Variants in KCTD19 observed in about 807,000 individuals in gnomAD.
KCTD19 encodes the protein BTB/POZ domain-containing protein KCTD19.
A neutral mutation model predicts 103.5 loss-of-function variants in KCTD19; 67 were observed. The ratio of observed to expected loss-of-function variants is 0.65; its 90% confidence interval spans 0.53 to 0.79. KCTD19 has a LOEUF of 0.79. Ranked by LOEUF, KCTD19 falls within the 30% of genes least tolerant of loss-of-function variation. The pLI is 0.00. For missense variants in KCTD19, 980 were observed against 1,136.1 expected (o/e 0.86, Z 1.98); for synonymous variants, 439 against 452.2 (o/e 0.97, Z 0.37).
Position 67,301,909 on chromosome 16 carries a change from G to A in KCTD19, c.657C>T (p.Arg219=). Reference sequence around the variant, plus strand: ...TATCCGGTAGTAAAATCTTCTGTGAGCGAAGAAAATTCACTTGAAAAACAA... The same window carrying A: ...TATCCGGTAGTAAAATCTTCTGTGAACGAAGAAAATTCACTTGAAAAACAA... The part of the protein sequence containing the change: ...SEFRFIVNFL[R]SQKILLPDNF... The change falls in exon 5 of 16, where the codon CGC becomes CGT. Residue 219 remains arginine, a synonymous_variant. Transcript: ENST00000304372. 6.2e-7 allele frequency: 1 copy of A among 1,613,864 alleles called. No homozygotes were observed. The highest frequency in any genetic ancestry group is 8.5e-7 in the Non-Finnish European group (1 of 1,179,768).
chr16:67,296,730 C>G (rs1282970087), intron 7 of KCTD19, among the ~76,000 whole-genome samples: 1 of 152,142 alleles, frequency 6.6e-6, no homozygotes, highest in East Asian at 1.9e-4. Flanking sequence ...GGGCTGTATG[C>G]TGGAAAGATG....
intron 14 of KCTD19, 152 bp downstream of exon 14, chr16:67,291,157 T>C (rs1299346213): frequency 1.6e-5 from 19 of 1,159,088 alleles, no homozygotes; most frequent in Non-Finnish European, 2.2e-5. Flanking sequence ...ACTGCTCTGC[T>C]TGCCTCCCTG....
Position 67,294,142 on chromosome 16 carries a change from T to A in KCTD19, c.1620A>T (p.Glu540Asp). Reference sequence around the variant, plus strand: ...TCCATGGAGTCCTGTCACTGCAGTCTTCGAAGTCCACAGGCATGTAGGCTG... The same window carrying A: ...TCCATGGAGTCCTGTCACTGCAGTCATCGAAGTCCACAGGCATGTAGGCTG... ...ETTAYMPVDF[E>D]DCSDRTPWNK... is the part of the protein sequence containing the mutation. The change falls in exon 12 of 16, where the codon GAA becomes GAT. Residue 540 changes from glutamate (E) to aspartate (D), a missense_variant. Physicochemically the swap from Glu to Asp is conservative, Grantham distance 45. Coordinates refer to ENST00000304372, the MANE Select transcript of KCTD19 (RefSeq NM_001100915.3). The A allele has an allele frequency of 1.3e-5, 21 of 1,608,698 alleles. No individual in the cohort carries two copies. Among genetic ancestry groups the A allele is most frequent in the Non-Finnish European group, 1.8e-5 (21 of 1,175,490 alleles).
At chr16:67,324,972 G>A (rs1454925903) in intron 1 of KCTD19, among the ~76,000 whole-genome samples, 1 of 152,180 alleles carries the variant, frequency 6.6e-6, no homozygotes, top group Non-Finnish European at 1.5e-5. Context: ...GGCAAAGGCT[G>A]AATGTAACAA....
At position 67,291,309 on chromosome 16, in the gene KCTD19, C is replaced by T. The variant is rs1567446224; in HGVS notation, c.2565G>A (p.Trp855Ter). The part of the protein sequence containing the change: ...AKVVSLANRL[W>*]TLHISPKQFV... ...AGGGCCTGAGGCCTGTCACACATAC[C>T]CACAGCCGATTGGCCAGGGAGACCA... Residue 855 changes from tryptophan to a stop codon, truncating the protein, a stop_gained and splice_region_variant, in exon 14 of 16, where the codon TGG becomes TGA. Coordinates refer to ENST00000304372, the MANE Select transcript of KCTD19 (RefSeq NM_001100915.3). LOFTEE classifies it high-confidence loss of function. The T allele has an allele frequency of 6.2e-7, 1 of 1,612,432 alleles. No individual in the cohort carries two copies.
rs545468564 is a variant in KCTD19 at position 67,323,710 on chromosome 16, G to A, written c.4-2825C>T. 6.6e-6 allele frequency among the ~76,000 whole-genome samples: 1 copy of A among 152,270 alleles called. No individual in the cohort carries two copies. The highest frequency in any genetic ancestry group is 2.1e-4 in the South Asian group (1 of 4,828). ...ATTAGTGGTTGCCTAGGGCTGGAGA[G>A]GCTATGGGGAGATGGGGTGTGACTA... On this transcript the variant is annotated intron_variant, in intron 1 of 15. Coordinates refer to ENST00000304372, the MANE Select transcript of KCTD19 (RefSeq NM_001100915.3). This position sits in a 1 kb window ranked among gnomAD's most constrained non-coding sequence, Gnocchi z 4.1.
chr16:67,313,457 A>AT (rs1264436888), intron 2 of KCTD19, among the ~76,000 whole-genome samples: 2 of 151,838 alleles, frequency 1.3e-5, no homozygotes, highest in East Asian at 1.9e-4. Context: ...AATATTTTTG[A>AT]TTTTTTTTCA....
intron 2 of KCTD19, among the ~76,000 whole-genome samples, chr16:67,314,357 A>T (rs2036980413): frequency 6.6e-6 from 1 of 151,996 alleles, no homozygotes; most frequent in Non-Finnish European, 1.5e-5. Context: ...ATCTATTAAC[A>T]GAATCAAGCA....
rs199515473 is a variant in KCTD19, at chr16:67,320,835, G to A, written c.54C>T (p.Asn18=). The change falls in exon 2 of 16, where the codon AAC becomes AAT. Residue 18 remains asparagine (N), a synonymous_variant. Transcript: ENST00000304372. This position sits in a 1 kb window ranked among gnomAD's most constrained non-coding sequence, Gnocchi z 4.0. ...HESAEDLFHF[N]VGGWHFSVPR... ...GAACTGAGAAATGCCAGCCCCCTACGTTGAAATGAAACAAGTCCTCTGCTG... is the reference window on the plus strand; with the variant it reads ...GAACTGAGAAATGCCAGCCCCCTACATTGAAATGAAACAAGTCCTCTGCTG... 1.2e-5 allele frequency: 19 copies of A among 1,614,134 alleles called. No homozygotes were observed. Among genetic ancestry groups the A allele is most frequent in the Middle Eastern group, 1.6e-4 (1 of 6,062 alleles).
At position 67,299,420 on chromosome 16, in the gene KCTD19, G is replaced by A. The variant is rs556759064; in HGVS notation, c.929C>T (p.Thr310Met). ...SALGQLRIES[T>M]LDGSRLYITG... ...GATGTACAGTCGGCTTCCGTCTAGC[G>A]TGCTCTCGATGCGAAGCTGGCCCAG... Residue 310 changes from threonine (T) to methionine (M), a missense_variant, in exon 6 of 16, where the codon ACG becomes ATG. Coordinates refer to ENST00000304372, the MANE Select transcript of KCTD19 (RefSeq NM_001100915.3). 1.7e-4 allele frequency: 273 copies of A among 1,614,142 alleles called. No homozygotes were observed. Among genetic ancestry groups the A allele is most frequent in the Non-Finnish European group, 2.1e-4 (245 of 1,180,048 alleles).
intron 2 of KCTD19, among the ~76,000 whole-genome samples, chr16:67,318,904 T>A (rs554384709): frequency 6.6e-6 from 1 of 151,650 alleles, no homozygotes; most frequent in South Asian, 2.1e-4. Flanking sequence ...GAAAAAAAAA[T>A]ACAACAACTT....
intron 7 of KCTD19, among the ~76,000 whole-genome samples, chr16:67,296,586 G>T (rs746718163): frequency 2.6e-5 from 4 of 152,100 alleles, no homozygotes; most frequent in Non-Finnish European, 5.9e-5. Flanking sequence ...CTTTTCATGT[G>T]GCCACTCAGA....
At chr16:67,326,564 A>G in intron 1 of KCTD19, 141 bp downstream of exon 1, 1 of 1,141,206 alleles carries the variant, frequency 8.8e-7, no homozygotes, top group Non-Finnish European at 1.2e-6. Flanking sequence ...AGCCCCCCAA[A>G]TCCTTCCCGG....
At chr16:67,317,294 C>T (rs1296135568) in intron 2 of KCTD19, among the ~76,000 whole-genome samples, 1 of 151,866 alleles carries the variant, frequency 6.6e-6, no homozygotes, top group African/African-American at 2.4e-5. Context: ...GCCTGGCCAA[C>T]ATAACAAAAC....
intron 13 of KCTD19, 53 bp downstream of exon 13, chr16:67,291,593 C>T: frequency 6.3e-7 from 1 of 1,583,274 alleles, no homozygotes; most frequent in South Asian, 1.2e-5. Flanking sequence ...TGGGAGGGGG[C>T]TCAGGCATCC....
At chr16:67,294,795 G>T in intron 10 of KCTD19, 101 bp from the exon 11 acceptor site, 1 of 1,004,300 alleles carries the variant, frequency 1.0e-6, no homozygotes, top group Non-Finnish European at 1.6e-6. Context: ...ATGCTAGACA[G>T]CAGGGAAGAA....
At chr16:67,322,377 C>A (rs1171731688) in intron 1 of KCTD19, among the ~76,000 whole-genome samples, 1 of 151,340 alleles carries the variant, frequency 6.6e-6, no homozygotes, top group Non-Finnish European at 1.5e-5. Context: ...CGGCTCACTG[C>A]AAACTCCACC....
Position 67,301,906 on chromosome 16 carries a change from T to C in KCTD19, c.660A>G (p.Ser220=). The C allele has an allele frequency of 6.2e-7, 1 of 1,613,966 alleles. No homozygotes were observed. Among genetic ancestry groups the C allele is most frequent in the Non-Finnish European group, 8.5e-7 (1 of 1,179,860 alleles). Residue 220 remains serine (S), a synonymous_variant, in exon 5 of 16, where the codon TCA becomes TCG. Coordinates refer to ENST00000304372, the MANE Select transcript of KCTD19 (RefSeq NM_001100915.3). ...EFRFIVNFLR[S]QKILLPDNFS... ...AATTATCCGGTAGTAAAATCTTCTG[T>C]GAGCGAAGAAAATTCACTTGAAAAA...
At chr16:67,294,277 G>A (rs2036738332) in intron 11 of KCTD19, 106 bp from the exon 12 acceptor site, 1 of 1,223,958 alleles carries the variant, frequency 8.2e-7, no homozygotes, top group South Asian at 1.4e-5. Flanking sequence ...TGCTCTCCCT[G>A]AACAATCCCA....
Sources: gnomAD v4.1 joint callset for allele counts (sites outside exome capture counted in the v4.1 genomes callset) on GRCh38, gnomAD v4.1.1 for gene constraint, Gnocchi (gnomAD v3.1) non-coding constraint, MANE v1.5 for transcripts, NCBI Gene and HGNC (gene_info 2026-07-23, HGNC 2026-07-21) for gene names.